LRP1B: variants seen among roughly 807,000 people sequenced by gnomAD.
LRP1B encodes the protein LDL receptor related protein 1B, also known as low-density lipoprotein receptor-related protein 1B.
LRP1B carries 217 observed loss-of-function variants against 556.6 expected under a neutral mutation model. The ratio of observed to expected loss-of-function variants is 0.39; its 90% CI spans 0.35 to 0.44. The LOEUF is 0.44. Among genes scored for constraint, LRP1B ranks in the 20% least tolerant of loss-of-function variants. The pLI is 1.00. For missense variants in LRP1B, 5,053 were observed against 5,620.8 expected (o/e 0.90, Z 3.23); for synonymous variants, 2,047 against 1,865.8 (o/e 1.10, Z -2.50).
At chr2:140,508,860 G>A (rs1384465910) in intron 52 of LRP1B, among the ~76,000 whole-genome samples, 1 of 152,046 alleles carries the variant, frequency 6.6e-6, no homozygotes, top group Non-Finnish European at 1.5e-5. Flanking sequence ...AGCATACTGG[G>A]ACCATCTGGA....
At chr2:140,414,285 A>G (rs1431170930) in intron 66 of LRP1B, among the ~76,000 whole-genome samples, 2 of 152,174 alleles carry the variant, frequency 1.3e-5, no homozygotes, top group African/African-American at 4.8e-5. Context: ...CTTTGCTTTT[A>G]TCCCTAAAGG....
At chr2:141,384,949 C>T (rs1026519711) in intron 3 of LRP1B, among the ~76,000 whole-genome samples, 17 of 152,166 alleles carry the variant, frequency 1.1e-4, no homozygotes, top group Non-Finnish European at 1.6e-4. Flanking sequence ...GGTGGAGGCT[C>T]CAAGTGGTGA....
chr2:141,843,544 C>A (rs561141401), intron 1 of LRP1B, among the ~76,000 whole-genome samples: 21 of 152,200 alleles, frequency 1.4e-4, no homozygotes, highest in African/African-American at 4.3e-4. Flanking sequence ...TGATTGCAAA[C>A]CTTTTATTTG....
chr2:140,721,155 G>A (rs546510157), intron 35 of LRP1B, among the ~76,000 whole-genome samples: 3 of 151,822 alleles, frequency 2.0e-5, no homozygotes, highest in East Asian at 1.9e-4. Context: ...TTTATTTTTC[G>A]CTTGCACATA....
At chr2:140,990,810 T>A (rs2105354728) in intron 16 of LRP1B, among the ~76,000 whole-genome samples, 1 of 152,280 alleles carries the variant, frequency 6.6e-6, no homozygotes, top group South Asian at 2.1e-4. Flanking sequence ...ATTTCAACGC[T>A]GTTTTTAAGG....
chr2:141,835,157 C>A (rs1697235234), intron 1 of LRP1B, among the ~76,000 whole-genome samples: 1 of 151,926 alleles, frequency 6.6e-6, no homozygotes, highest in Non-Finnish European at 1.5e-5. Context: ...AATATATTAA[C>A]TTTGGAATAA....
At chr2:140,291,320 T>TTTATATATATATATATATATATATA (rs1683376999) in intron 84 of LRP1B, among the ~76,000 whole-genome samples, 6 of 51,874 alleles carry the variant, frequency 1.2e-4, no homozygotes, top group African/African-American at 3.7e-4. Context: ...ATATATATAT[T>TTTATATATATATATATATATATATA]TTTATTATAC....
chr2:141,634,462 A>T (rs1689029449), intron 2 of LRP1B, among the ~76,000 whole-genome samples: 1 of 152,026 alleles, frequency 6.6e-6, no homozygotes, highest in Non-Finnish European at 1.5e-5. Flanking sequence ...ACAGATGTCT[A>T]GAAAAGATGA....
chr2:141,970,553 C>T (rs1339586766), intron 1 of LRP1B, among the ~76,000 whole-genome samples: 2 of 151,382 alleles, frequency 1.3e-5, no homozygotes, highest in African/African-American at 4.8e-5. Flanking sequence ...GCTTTCAGAT[C>T]CATAATACAG....
intron 86 of LRP1B, among the ~76,000 whole-genome samples, chr2:140,254,663 C>G (rs1681599709): frequency 6.6e-6 from 1 of 152,104 alleles, no homozygotes; most frequent in Non-Finnish European, 1.5e-5. Flanking sequence ...AAGCAATTCT[C>G]CTGCCTCAGC....
chr2:141,613,091 A>G (rs1688166573), intron 2 of LRP1B, among the ~76,000 whole-genome samples: 1 of 152,040 alleles, frequency 6.6e-6, no homozygotes, highest in African/African-American at 2.4e-5. Flanking sequence ...TATAGGCATG[A>G]GCCACCGCAC....
At chr2:141,546,732 G>A (rs1470560542) in intron 2 of LRP1B, among the ~76,000 whole-genome samples, 1 of 152,080 alleles carries the variant, frequency 6.6e-6, no homozygotes, top group Non-Finnish European at 1.5e-5. Flanking sequence ...AAATTTAACA[G>A]CCCTCTTTTA....
intron 43 of LRP1B, among the ~76,000 whole-genome samples, chr2:140,565,735 C>T (rs1681100357): frequency 6.6e-6 from 1 of 152,180 alleles, no homozygotes; most frequent in Admixed American, 6.5e-5. Context: ...AACAGAAACC[C>T]TAGTGAGCAG....
intron 83 of LRP1B, among the ~76,000 whole-genome samples, chr2:140,299,784 G>C (rs1243075137): frequency 6.6e-6 from 1 of 151,942 alleles, no homozygotes; most frequent in Non-Finnish European, 1.5e-5. Flanking sequence ...ACCTTACAGA[G>C]ATATAGAACA....
chr2:140,779,532 TA>T (rs1470891024), intron 32 of LRP1B, among the ~76,000 whole-genome samples: 1 of 151,790 alleles, frequency 6.6e-6, no homozygotes, highest in East Asian at 1.9e-4. Context: ...CCGTCTCTAC[TA>T]AAAATACAGA....
chr2:140,540,696 T>C (rs748954414), intron 45 of LRP1B, among the ~76,000 whole-genome samples: 7 of 152,122 alleles, frequency 4.6e-5, no homozygotes, highest in Non-Finnish European at 1.0e-4. Flanking sequence ...CAGATGATCA[T>C]TGTGTGCAGA....
chr2:140,728,908 C>T (rs1687684371), intron 35 of LRP1B, among the ~76,000 whole-genome samples: 1 of 151,826 alleles, frequency 6.6e-6, no homozygotes. Context: ...TAAATGAATC[C>T]ATCTGTGTTA....
chr2:141,644,254 A>AAGCATGGG (rs1689464608), intron 2 of LRP1B, among the ~76,000 whole-genome samples: 1 of 151,994 alleles, frequency 6.6e-6, no homozygotes, highest in Non-Finnish European at 1.5e-5. Context: ...GAGGTAATTG[A>AAGCATGGG]AGCATGGGGC....
intron 3 of LRP1B, among the ~76,000 whole-genome samples, chr2:141,371,014 G>A (rs985371326): frequency 1.3e-5 from 2 of 151,836 alleles, no homozygotes; most frequent in Admixed American, 6.6e-5. Context: ...ATGGAGTTTC[G>A]CTCTCGTGGC....
Sources: allele counts gnomAD v4.1 joint callset (sites outside exome capture counted in the v4.1 genomes callset), GRCh38; gene constraint gnomAD v4.1.1; transcripts MANE v1.5; gene names NCBI Gene and HGNC (gene_info 2026-07-23, HGNC 2026-07-21).